ADAMTSL1: variants seen among roughly 807,000 people sequenced by gnomAD.
ADAMTSL1 encodes ADAMTS-like protein 1.
ADAMTSL1 carries 126 observed loss-of-function variants against 201.8 expected under a neutral mutation model. That is an observed-to-expected ratio of 0.62 (90% CI 0.54 to 0.72). ADAMTSL1 has a LOEUF of 0.72. ADAMTSL1 is among the 30% of genes least tolerant of loss of function. ADAMTSL1 has a pLI of 0.00. For synonymous variants in ADAMTSL1, 1,121 were observed against 903.4 expected (o/e 1.24, Z -4.32); for missense variants, 2,679 against 2,277.8 (o/e 1.18, Z -3.59).
intron 1 of ADAMTSL1, among the ~76,000 whole-genome samples, chr9:18,084,672 CTTCCT>C (rs766933009): frequency 1.3e-5 from 2 of 152,042 alleles, no homozygotes; most frequent in Non-Finnish European, 2.9e-5. Flanking sequence ...TCCCTTTCTG[CTTCCT>C]TTCCTTCCTC....
intron 17 of ADAMTSL1, among the ~76,000 whole-genome samples, chr9:18,774,825 A>C (rs939168670): frequency 1.3e-5 from 2 of 152,164 alleles, no homozygotes; most frequent in Admixed American, 1.3e-4. Context: ...GGCAATTATG[A>C]ATCATACTGC....
At chr9:18,627,554 T>A (rs559924512) in intron 5 of ADAMTSL1, among the ~76,000 whole-genome samples, 1 of 152,266 alleles carries the variant, frequency 6.6e-6, no homozygotes, top group South Asian at 2.1e-4. Flanking sequence ...TGAGGGAGTA[T>A]TTCTCTTTCT....
intron 1 of ADAMTSL1, among the ~76,000 whole-genome samples, chr9:17,950,213 C>G (rs1827680312): frequency 6.6e-6 from 1 of 151,960 alleles, no homozygotes; most frequent in Non-Finnish European, 1.5e-5. Context: ...GGCCTGTGTT[C>G]TTGAATTTTT....
intron 2 of ADAMTSL1, among the ~76,000 whole-genome samples, chr9:18,515,289 C>G (rs1415606310): frequency 6.6e-6 from 1 of 152,022 alleles, no homozygotes; most frequent in South Asian, 2.1e-4. Context: ...ATCTCTAGCT[C>G]CCTGAAAAAG....
chr9:18,395,361 G>A (rs999198694), intron 2 of ADAMTSL1, among the ~76,000 whole-genome samples: 14 of 152,124 alleles, frequency 9.2e-5, no homozygotes, highest in Non-Finnish European at 1.5e-5. Context: ...GTTTTTGCTG[G>A]CAAGATGTCG....
intron 1 of ADAMTSL1, among the ~76,000 whole-genome samples, chr9:18,073,630 C>A (rs569511708): frequency 6.6e-6 from 1 of 152,102 alleles, no homozygotes; most frequent in African/African-American, 2.4e-5. Flanking sequence ...AACACTTTCA[C>A]GTATAACTAT....
intron 7 of ADAMTSL1, among the ~76,000 whole-genome samples, chr9:18,650,433 G>A (rs1187482669): frequency 2.0e-5 from 3 of 152,088 alleles, no homozygotes; most frequent in Non-Finnish European, 4.4e-5. Flanking sequence ...TCCCTAGTGA[G>A]ATGAACCCAG....
intron 13 of ADAMTSL1, among the ~76,000 whole-genome samples, chr9:18,698,212 A>G (rs1269999564): frequency 6.6e-6 from 1 of 152,200 alleles, no homozygotes; most frequent in Non-Finnish European, 1.5e-5. Flanking sequence ...CACTGATGGT[A>G]TTTGAAACTA....
chr9:18,667,702 A>G (rs1234637024), intron 9 of ADAMTSL1, among the ~76,000 whole-genome samples: 1 of 152,148 alleles, frequency 6.6e-6, no homozygotes, highest in African/African-American at 2.4e-5. Context: ...CACGGTTATG[A>G]TGATGTTGAT....
chr9:18,090,613 G>C (rs958757379), intron 1 of ADAMTSL1, among the ~76,000 whole-genome samples: 21 of 149,102 alleles, frequency 1.4e-4, no homozygotes, highest in African/African-American at 4.7e-4. Flanking sequence ...TAGGGAGTTA[G>C]CATTTAATAG....
At chr9:17,913,370 A>T (rs549648192) in intron 1 of ADAMTSL1, among the ~76,000 whole-genome samples, 1 of 152,048 alleles carries the variant, frequency 6.6e-6, no homozygotes, top group Non-Finnish European at 1.5e-5. Flanking sequence ...CTTTTATTTC[A>T]TTGAACAGTG....
At chr9:17,969,700 ATTAAG>A (rs1489089100) in intron 1 of ADAMTSL1, among the ~76,000 whole-genome samples, 1 of 152,084 alleles carries the variant, frequency 6.6e-6, no homozygotes, top group Non-Finnish European at 1.5e-5. Context: ...TAATCTATAC[ATTAAG>A]TTATTTTTAG....
chr9:18,357,403 C>A (rs1836301219), intron 2 of ADAMTSL1, among the ~76,000 whole-genome samples: 1 of 152,236 alleles, frequency 6.6e-6, no homozygotes. Flanking sequence ...TTCAGCAGAA[C>A]ATGAAAAAGG....
chr9:17,992,111 A>G (rs1189694758), intron 1 of ADAMTSL1, among the ~76,000 whole-genome samples: 1 of 152,084 alleles, frequency 6.6e-6, no homozygotes, highest in African/African-American at 2.4e-5. Context: ...CTCACGGGCC[A>G]TATAGAGTAT....
chr9:18,611,670 C>T (rs1329830431), intron 4 of ADAMTSL1, among the ~76,000 whole-genome samples: 1 of 152,038 alleles, frequency 6.6e-6, no homozygotes, highest in Non-Finnish European at 1.5e-5. Flanking sequence ...GTTTATCCAG[C>T]CATTAGATGG....
At chr9:18,257,388 T>C (rs973875876) in intron 2 of ADAMTSL1, among the ~76,000 whole-genome samples, 1 of 152,160 alleles carries the variant, frequency 6.6e-6, no homozygotes, top group African/African-American at 2.4e-5. Context: ...TCTAAAGATA[T>C]ACAGATGTTC....
chr9:18,336,049 T>G, intron 2 of ADAMTSL1, among the ~76,000 whole-genome samples: 1 of 152,150 alleles, frequency 6.6e-6, no homozygotes. Context: ...GTAAACAAGT[T>G]CAGGTTTTAT....
In ADAMTSL1 at chr9:18,578,943, T is replaced by C. The variant is rs1189516107; in HGVS notation, c.474+4677T>C. On this transcript the variant is annotated intron_variant, in intron 4 of 28. Transcript: ENST00000380548. ...ATTCTAACTGGTGTGAGATGATATC[T>C]CATAGTGGTTTTGATTTGCATTTCT... Among the ~76,000 whole-genome samples the C allele has an allele frequency of 2.0e-5, 3 of 151,434 alleles. No individual in the cohort carries two copies. The East Asian group carries it at 5.8e-4, about 29-fold the overall frequency.
intron 1 of ADAMTSL1, among the ~76,000 whole-genome samples, chr9:17,943,764 C>T (rs1827339473): frequency 6.6e-6 from 1 of 151,820 alleles, no homozygotes; most frequent in Admixed American, 6.6e-5. Context: ...TAAAGAAATA[C>T]CTGAGACTGG....
Sources: allele counts gnomAD v4.1 joint callset (sites outside exome capture counted in the v4.1 genomes callset), GRCh38; gene constraint gnomAD v4.1.1; transcripts MANE v1.5; gene names NCBI Gene and HGNC (gene_info 2026-07-23, HGNC 2026-07-21).